Variants in ADGRL3 observed in about 807,000 individuals in gnomAD.
ADGRL3 encodes calcium-independent alpha-latrotoxin receptor 3.
ADGRL3 carries 62 observed loss-of-function variants against 153.5 expected under a neutral mutation model. The ratio of observed to expected loss-of-function variants is 0.40; its 90% CI spans 0.33 to 0.50. The LOEUF is 0.50. Among genes scored for constraint, ADGRL3 ranks in the 20% least tolerant of loss-of-function variants. ADGRL3 has a pLI of 0.47. For missense variants in ADGRL3, 1,641 were observed against 1,859.4 expected (o/e 0.88, Z 2.16); for synonymous variants, 710 against 672.5 (o/e 1.06, Z -0.86).
intron 8 of ADGRL3, among the ~76,000 whole-genome samples, chr4:61,810,831 T>C: frequency 6.6e-6 from 1 of 152,120 alleles, no homozygotes; most frequent in East Asian, 1.9e-4. Flanking sequence ...ACCCTCTCAA[T>C]GGGGACATAA....
At chr4:61,876,073 A>G (rs573216498) in intron 9 of ADGRL3, among the ~76,000 whole-genome samples, 5 of 151,800 alleles carry the variant, frequency 3.3e-5, no homozygotes, top group Non-Finnish European at 7.4e-5. Flanking sequence ...TGCAATTTTT[A>G]GGAGATGTGG....
At chr4:61,826,113 G>A (rs1444038232) in intron 9 of ADGRL3, among the ~76,000 whole-genome samples, 5 of 145,202 alleles carry the variant, frequency 3.4e-5, no homozygotes, top group Admixed American at 3.4e-4. Flanking sequence ...TGTAGTGGGA[G>A]ATTTGGACAA....
At chr4:62,063,529 G>C (rs1176281962) in intron 25 of ADGRL3, 2 of 693,864 alleles carry the variant, frequency 2.9e-6, no homozygotes, top group Middle Eastern at 4.6e-4. Flanking sequence ...CATCTTATAA[G>C]CAATGCTCTG....
In ADGRL3 at chr4:61,482,758, C is replaced by T. The variant is rs185785260; in HGVS notation, c.-173-14363C>T. Reference sequence around the variant, plus strand: ...AATTGTATTAAAAGTTTTCTACAGGCTTTTATATTTAAAAGTAGTCTTTGT... The same window carrying T: ...AATTGTATTAAAAGTTTTCTACAGGTTTTTATATTTAAAAGTAGTCTTTGT... On this transcript the variant is annotated intron_variant, in intron 2 of 26. Coordinates refer to ENST00000683033, the MANE Select transcript of ADGRL3 (RefSeq NM_001387552.1). 7.2e-3 allele frequency among the ~76,000 whole-genome samples: 1,089 copies of T among 152,100 alleles called. 5 individuals are homozygous for T. The highest frequency in any genetic ancestry group is 0.012 in the Non-Finnish European group (840 of 67,962).
intron 9 of ADGRL3, among the ~76,000 whole-genome samples, chr4:61,831,586 C>G (rs1454084888): frequency 6.6e-6 from 1 of 152,086 alleles, no homozygotes; most frequent in Admixed American, 6.6e-5. Flanking sequence ...CTGGCATGGA[C>G]AGCCTCTGAG....
chr4:61,693,734 A>G (rs1186593240), intron 6 of ADGRL3, among the ~76,000 whole-genome samples: 1 of 152,158 alleles, frequency 6.6e-6, no homozygotes, highest in Admixed American at 6.5e-5. Flanking sequence ...TATTTAATTA[A>G]ATTTTCCAAT....
chr4:61,731,569 T>C (rs1015036167), intron 7 of ADGRL3, among the ~76,000 whole-genome samples: 18 of 152,058 alleles, frequency 1.2e-4, no homozygotes, highest in African/African-American at 4.3e-4. Flanking sequence ...AATTCTATAC[T>C]CCAAAGAAGC....
chr4:61,656,754 G>A (rs1403025743), intron 5 of ADGRL3, among the ~76,000 whole-genome samples: 1 of 152,108 alleles, frequency 6.6e-6, no homozygotes, highest in Non-Finnish European at 1.5e-5. Context: ...GTAAAACAAT[G>A]AATTTTCTAG....
At chr4:61,505,153 G>A (rs899569477) in intron 3 of ADGRL3, among the ~76,000 whole-genome samples, 4 of 151,966 alleles carry the variant, frequency 2.6e-5, no homozygotes, top group African/African-American at 9.7e-5. Context: ...TTTAACTGTG[G>A]GAGATGATAT....
intron 1 of ADGRL3, among the ~76,000 whole-genome samples, chr4:61,350,110 T>C (rs1295411967): frequency 1.3e-5 from 2 of 152,164 alleles, no homozygotes; most frequent in African/African-American, 2.4e-5. Flanking sequence ...TAGATGATAT[T>C]GTAGATTGAA....
chr4:61,609,765 A>G (rs919753533), intron 5 of ADGRL3, among the ~76,000 whole-genome samples: 3 of 152,086 alleles, frequency 2.0e-5, no homozygotes, highest in Admixed American at 2.0e-4. Flanking sequence ...GATAACAAAT[A>G]TATTAAATTA....
At chr4:61,231,084 G>A (rs909562577) in intron 1 of ADGRL3, among the ~76,000 whole-genome samples, 7 of 152,182 alleles carry the variant, frequency 4.6e-5, no homozygotes, top group African/African-American at 1.2e-4. Flanking sequence ...CAAATAAACT[G>A]AGGCGGAAGT....
rs923664902 is a variant in ADGRL3 at position 61,617,629 on chromosome 4, A to G, written c.473+30189A>G. Among the ~76,000 whole-genome samples the G allele has an allele frequency of 2.0e-5, 3 of 152,320 alleles. No individual in the cohort carries two copies. The East Asian group carries it at 5.8e-4, about 29-fold the overall frequency. ...TGTTAAAGCTGCTCCACATGTATAA[A>G]ATGGGATAAGTAAGAGGTAGCAAAA... On this transcript the variant is annotated intron_variant, in intron 5 of 26. Transcript: ENST00000683033.
At chr4:62,008,140 C>G (rs556268462) in intron 21 of ADGRL3, among the ~76,000 whole-genome samples, 1 of 152,086 alleles carries the variant, frequency 6.6e-6, no homozygotes, top group Admixed American at 6.6e-5. Flanking sequence ...AGTTAAAAAC[C>G]ACAGGTAAAG....
At chr4:61,541,248 G>A (rs2098688626) in intron 4 of ADGRL3, among the ~76,000 whole-genome samples, 1 of 151,886 alleles carries the variant, frequency 6.6e-6, no homozygotes, top group Non-Finnish European at 1.5e-5. Flanking sequence ...CCTGGTGAGA[G>A]TTCACCCTGA....
At chr4:61,703,920 G>C (rs2095812003) in intron 6 of ADGRL3, among the ~76,000 whole-genome samples, 1 of 151,842 alleles carries the variant, frequency 6.6e-6, no homozygotes, top group Non-Finnish European at 1.5e-5. Flanking sequence ...AACAGTATCT[G>C]TTCCCCAGCA....
At position 61,665,279 on chromosome 4, in the gene ADGRL3, C is replaced by T. The variant is rs112220614; in HGVS notation, c.474-11547C>T. ...ACAAAAAATTAGCTGGACATGGTGGCGGATATCTGTAGTGTCAGCTACTCT... is the reference window on the plus strand; with the variant it reads ...ACAAAAAATTAGCTGGACATGGTGGTGGATATCTGTAGTGTCAGCTACTCT... On this transcript the variant is annotated intron_variant, in intron 5 of 26. Transcript: ENST00000683033. 8.3e-3 allele frequency among the ~76,000 whole-genome samples: 1,266 copies of T among 152,100 alleles called. 6 individuals are homozygous for T. The highest frequency in any genetic ancestry group is 0.014 in the Middle Eastern group (4 of 294).
chr4:61,602,838 C>A (rs1473823123), intron 5 of ADGRL3, among the ~76,000 whole-genome samples: 1 of 152,138 alleles, frequency 6.6e-6, no homozygotes, highest in Non-Finnish European at 1.5e-5. Context: ...TAATAGATTA[C>A]AACTATGAGC....
In ADGRL3 at chr4:61,948,255, G is replaced by C. The variant is rs772298271; in HGVS notation, c.2784G>C (p.Leu928=). The C allele has an allele frequency of 1.9e-6, 3 of 1,613,516 alleles. No individual in the cohort carries two copies. Among genetic ancestry groups the C allele is most frequent in the Non-Finnish European group, 2.5e-6 (3 of 1,179,716 alleles). The change falls in exon 17 of 27, where the codon CTG becomes CTC. Residue 928 remains leucine, a synonymous_variant. Coordinates refer to ENST00000683033, the MANE Select transcript of ADGRL3 (RefSeq NM_001387552.1). ...ACCACCTAACAAATTTTGCAGTACT[G>C]ATGGCACATGTGGAAGTTAAGGTAA... ...SCNHLTNFAV[L]MAHVEVKHSD...
Sources: allele counts gnomAD v4.1 joint callset (sites outside exome capture counted in the v4.1 genomes callset), GRCh38; gene constraint gnomAD v4.1.1; transcripts MANE v1.5; gene names NCBI Gene and HGNC (gene_info 2026-07-23, HGNC 2026-07-21).